Variants in PNKD observed in about 807,000 individuals in gnomAD.
PNKD encodes probable thioesterase PNKD.
A neutral mutation model predicts 45.3 loss-of-function variants in PNKD; 36 were observed. That is an observed-to-expected ratio of 0.80 (90% CI 0.61 to 1.05). The LOEUF is 1.05. Ranked by LOEUF, PNKD falls within the 50% of genes least tolerant of loss-of-function variation. PNKD has a pLI of 0.00. For synonymous variants in PNKD, 197 were observed against 210.1 expected (o/e 0.94, Z 0.54); for missense variants, 511 against 506.6 (o/e 1.01, Z -0.08).
Position 218,341,518 on chromosome 2 carries a change from C to G in PNKD, c.525-16C>G, listed in dbSNP as rs1694674700. ...TTGCCCCTCGAAGCCCCCTGCCTGT[C>G]TCTGCTGTCCTGCAGGGACCACAGT... On this transcript the variant is annotated splice_polypyrimidine_tract_variant and intron_variant, in intron 5 of 9. Coordinates refer to ENST00000273077, the MANE Select transcript of PNKD (RefSeq NM_015488.5). 1 of 1,558,524 alleles carries G rather than the reference C, an allele frequency of 6.4e-7. No homozygotes were observed. Among genetic ancestry groups the G allele is most frequent in the African/African-American group, 1.4e-5 (1 of 73,732 alleles).
At chr2:218,280,108 T>C (rs1263924860) in intron 2 of PNKD, 2 of 1,614,012 alleles carry the variant, frequency 1.2e-6, no homozygotes, top group East Asian at 2.2e-5. Flanking sequence ...CTCCTCCCCA[T>C]CATAGCCATG....
intron 2 of PNKD, among the ~76,000 whole-genome samples, chr2:218,332,567 G>T (rs1694359068): frequency 6.6e-6 from 1 of 152,036 alleles, no homozygotes; most frequent in South Asian, 2.1e-4. Context: ...TCTCAGCCCT[G>T]CCTTCTCCTG....
At chr2:218,321,992 G>A (rs1451496805) in intron 2 of PNKD, among the ~76,000 whole-genome samples, 2 of 125,488 alleles carry the variant, frequency 1.6e-5, no homozygotes, top group Non-Finnish European at 1.6e-5. Flanking sequence ...GCACGATCTC[G>A]ACTCACCGCA....
intron 2 of PNKD, among the ~76,000 whole-genome samples, chr2:218,301,286 AG>A (rs1693260430): frequency 6.6e-6 from 1 of 152,154 alleles, no homozygotes; most frequent in South Asian, 2.1e-4. Context: ...CATTGACTTA[AG>A]GGGGAATTCT....
At chr2:218,279,050 T>A in intron 2 of PNKD, 1 of 1,614,104 alleles carries the variant, frequency 6.2e-7, no homozygotes. Context: ...GGACACGTAG[T>A]AGACAGCCAC....
Position 218,344,526 on chromosome 2 carries a change from A to G in PNKD, c.940A>G (p.Lys314Glu). The G allele has an allele frequency of 6.3e-7, 1 of 1,593,200 alleles. No individual in the cohort carries two copies. Residue 314 changes from lysine to glutamate, a missense_variant, in exon 9 of 10, where the codon AAG becomes GAG. Coordinates refer to ENST00000273077, the MANE Select transcript of PNKD (RefSeq NM_015488.5). ...GCCCGAGAACCTGGCCCGGGAGAGG[A>G]AGATGCAGTGGGTGCAGCGGCAGCG... ...VEPENLARER[K>E]MQWVQRQRLE...
intron 2 of PNKD, among the ~76,000 whole-genome samples, chr2:218,302,823 G>A (rs1693306258): frequency 6.6e-6 from 1 of 152,224 alleles, no homozygotes; most frequent in Non-Finnish European, 1.5e-5. Context: ...CAGGGGCGCA[G>A]AATGTATGTG....
At chr2:218,276,068 G>A (rs775743400) in intron 2 of PNKD, 9 of 1,612,976 alleles carry the variant, frequency 5.6e-6, no homozygotes, top group Non-Finnish European at 7.6e-6. Flanking sequence ...AGAGCATGTG[G>A]AGCCAGTAAA....
chr2:218,320,208 C>T (rs891403696), intron 2 of PNKD, among the ~76,000 whole-genome samples: 1 of 152,204 alleles, frequency 6.6e-6, no homozygotes, highest in African/African-American at 2.4e-5. Flanking sequence ...AAATTAAATC[C>T]TTGGCCCTAC....
intron 2 of PNKD, among the ~76,000 whole-genome samples, chr2:218,303,819 C>T (rs926953838): frequency 2.0e-5 from 3 of 152,092 alleles, no homozygotes; most frequent in Non-Finnish European, 4.4e-5. Flanking sequence ...CATGATCCAC[C>T]TGCCTCAGCC....
intron 2 of PNKD, among the ~76,000 whole-genome samples, chr2:218,337,724 C>T (rs750395238): frequency 2.7e-4 from 41 of 152,154 alleles, no homozygotes; most frequent in Non-Finnish European, 5.3e-4. Flanking sequence ...TGCTCATGGG[C>T]ATTGCAGACT....
Position 218,339,849 on chromosome 2 carries a change from G to C in PNKD, c.303G>C (p.Arg101=). 6.2e-7 allele frequency: 1 copy of C among 1,613,156 alleles called. No homozygotes were observed. The highest frequency in any genetic ancestry group is 1.3e-5 in the African/African-American group (1 of 74,916). ...ACCGACAGCAGCTGCGCAGGGCTCG[G>C]AATCGCTACCCTAAAGGCCACTCGA... The part of the protein sequence containing the change: ...LFYRQQLRRA[R]NRYPKGHSKT... Residue 101 remains arginine (R), a synonymous_variant, in exon 3 of 10, where the codon CGG becomes CGC. Transcript: ENST00000273077.
chr2:218,280,667 C>G (rs1691817342), intron 2 of PNKD: 1 of 156,420 alleles, frequency 6.4e-6, no homozygotes, highest in African/African-American at 2.4e-5. Flanking sequence ...TGACACCCCT[C>G]TGGGGTTCAG....
At chr2:218,338,061 C>T (rs1559531040) in intron 2 of PNKD, among the ~76,000 whole-genome samples, 2 of 152,026 alleles carry the variant, frequency 1.3e-5, no homozygotes, top group African/African-American at 2.4e-5. Context: ...GCAGGAGAAT[C>T]GCCTGAACCT....
At chr2:218,331,758 G>T (rs539128007) in intron 2 of PNKD, among the ~76,000 whole-genome samples, 34 of 152,166 alleles carry the variant, frequency 2.2e-4, no homozygotes, top group African/African-American at 8.0e-4. Flanking sequence ...GTGAGCCACC[G>T]CGCCCAGCCA....
intron 2 of PNKD, chr2:218,280,092 T>C (rs2045435): frequency 1 from 1,612,841 of 1,614,134 alleles, 805,786 homozygotes; most frequent in East Asian, 1. Context: ...TATCACTCAC[T>C]GCTCTCTCCT....
chr2:218,274,668 A>C (rs907878707), intron 2 of PNKD: 4 of 155,500 alleles, frequency 2.6e-5, no homozygotes, highest in African/African-American at 7.2e-5. Context: ...GCCTGAATAC[A>C]GGAAGCAAGA....
chr2:218,309,946 A>G (rs1479473476), intron 2 of PNKD, among the ~76,000 whole-genome samples: 2 of 151,462 alleles, frequency 1.3e-5, no homozygotes, highest in Non-Finnish European at 2.9e-5. Context: ...AAAAAAAAAA[A>G]GAAAAGAAAA....
chr2:218,335,849 A>C (rs368897729), intron 2 of PNKD, among the ~76,000 whole-genome samples: 18 of 152,272 alleles, frequency 1.2e-4, no homozygotes, highest in African/African-American at 4.3e-4. Context: ...CTTGCAGACA[A>C]ATCAGCTAGC....
Sources: allele counts gnomAD v4.1 joint callset (sites outside exome capture counted in the v4.1 genomes callset), GRCh38; gene constraint gnomAD v4.1.1; transcripts MANE v1.5; gene names NCBI Gene and HGNC (gene_info 2026-07-23, HGNC 2026-07-21).